Variants in EGF observed in about 807,000 individuals in gnomAD.
EGF encodes pro-epidermal growth factor.
Under a neutral mutation model 143.8 loss-of-function variants are expected in EGF, and 95 were observed. The ratio of observed to expected loss-of-function variants is 0.66; its 90% CI spans 0.56 to 0.78. The LOEUF (loss-of-function observed/expected upper bound fraction) is 0.78. EGF is among the 30% of genes least tolerant of loss of function. EGF has a pLI of 0.00. For missense variants in EGF, 1,320 were observed against 1,470.9 expected (o/e 0.90, Z 1.68); for synonymous variants, 510 against 510.5 (o/e 1.00, Z 0.01).
At chr4:109,918,297 C>T (rs1737066829) in intron 1 of EGF, among the ~76,000 whole-genome samples, 1 of 142,502 alleles carries the variant, frequency 7.0e-6, no homozygotes. Flanking sequence ...GTGGGTTATT[C>T]ATAGCGAATG....
intron 11 of EGF, 44 bp downstream of exon 11, chr4:109,969,163 A>G (rs774179826): frequency 1.2e-5 from 20 of 1,612,384 alleles, no homozygotes; most frequent in Admixed American, 1.7e-5. Context: ...GATGGGAGTG[A>G]TGGGATAGGT....
In EGF at chr4:109,962,022, G is replaced by A. The variant is rs767767155; in HGVS notation, c.1312+37G>A. 45 of 1,611,620 alleles carry A rather than the reference G, an allele frequency of 2.8e-5. No homozygotes were observed. The African/African-American group carries it at 5.3e-4, about 19-fold the overall frequency. ...TGCTTTATTTACCTTTTGTTTGTTT[G>A]AAAACATACATTTGCTCAGTGACAT... is the stretch of plus-strand genomic sequence containing the variant. On this transcript the variant is annotated intron_variant, in intron 8 of 23. Coordinates refer to ENST00000265171, the MANE Select transcript of EGF (RefSeq NM_001963.6).
chr4:109,923,310 T>A (rs558019062), intron 1 of EGF, among the ~76,000 whole-genome samples: 1 of 151,724 alleles, frequency 6.6e-6, no homozygotes, highest in Non-Finnish European at 1.5e-5. Context: ...TTCTTAATTT[T>A]ACCTCATTTT....
chr4:109,999,143 A>G (rs11569093), intron 20 of EGF, among the ~76,000 whole-genome samples: 5,000 of 152,194 alleles, frequency 0.033, 259 homozygotes, highest in East Asian at 0.17. Context: ...CTTCCCTTGC[A>G]CTAGTAGTGA....
At chr4:109,945,955 G>C in intron 5 of EGF, among the ~76,000 whole-genome samples, 1 of 152,242 alleles carries the variant, frequency 6.6e-6, no homozygotes. Flanking sequence ...TATGTCTTGC[G>C]TTTAGGCAAA....
intron 15 of EGF, among the ~76,000 whole-genome samples, chr4:109,982,913 C>T (rs1198067805): frequency 1.3e-5 from 2 of 152,072 alleles, no homozygotes; most frequent in Non-Finnish European, 2.9e-5. Flanking sequence ...CCATTTCTCC[C>T]CTGTTCTGAG....
intron 4 of EGF, 122 bp from the exon 5 acceptor site, chr4:109,944,951 T>G: frequency 9.8e-7 from 1 of 1,022,676 alleles, no homozygotes; most frequent in Non-Finnish European, 1.5e-6. Flanking sequence ...TAAACATAAA[T>G]GAGAAACAAT....
rs754959264 is a variant in EGF, at chr4:110,004,617, C to T, written c.3286C>T (p.Pro1096Ser). ...TEDGMSSCPQPWFVVIKEHQD... is the reference protein window; with the variant it reads ...TEDGMSSCPQSWFVVIKEHQD... ...GGATGGGATGTCCTCTTGCCCTCAA[C>T]CTTGGGTAATGTGACCAAAGCAGAT... Residue 1096 changes from proline to serine, a missense_variant, in exon 22 of 24, where the codon CCT (proline) becomes TCT (serine). Coordinates refer to ENST00000265171, the MANE Select transcript of EGF (RefSeq NM_001963.6). 25 of 1,613,770 alleles carry T rather than the reference C, an allele frequency of 1.5e-5. No individual in the cohort carries two copies. The highest frequency in any genetic ancestry group is 1.6e-5 in the Non-Finnish European group (19 of 1,179,736).
chr4:110,011,565 C>T lies in EGF; in HGVS notation c.*110C>T. 6.6e-7 allele frequency: 1 copy of T among 1,517,702 alleles called. No individual in the cohort carries two copies. Among genetic ancestry groups the T allele is most frequent in the South Asian group, 1.2e-5 (1 of 86,770 alleles). The allele number at this position is 1,517,702 out of a possible 1,614,324, so 94.0% of individuals were successfully genotyped here. A position where few individuals can be genotyped will look rare whatever the true frequency, so the allele number is the denominator to read the frequency against. ...GGTTTTGGTTCCACAATCTCTACGA[C>T]TAATCACCTACTCAATGCCTGGAGA... On this transcript the variant is annotated 3_prime_UTR_variant, in exon 24 of 24. Transcript: ENST00000265171.
intron 1 of EGF, among the ~76,000 whole-genome samples, chr4:109,933,576 C>T (rs1199064459): frequency 6.6e-6 from 1 of 152,126 alleles, no homozygotes; most frequent in Admixed American, 6.5e-5. Context: ...TCCACCAGCC[C>T]CCCACCTCCC....
chr4:109,930,090 G>A (rs976507050), intron 1 of EGF, among the ~76,000 whole-genome samples: 1 of 152,158 alleles, frequency 6.6e-6, no homozygotes, highest in South Asian at 2.1e-4. Flanking sequence ...GAAGGTGCTT[G>A]CTTCCACTTT....
In EGF at chr4:109,993,269, G is replaced by T. The variant is rs1188924135; in HGVS notation, c.2757G>T (p.Gly919=). Reference sequence around the variant, plus strand: ...CAGATATTGATGAGTGCCAACTGGGGGAGCACAGCTGTGGAGAGAATGCCA... The same window carrying T: ...CAGATATTGATGAGTGCCAACTGGGTGAGCACAGCTGTGGAGAGAATGCCA... The part of the protein sequence containing the change: ...HCLDIDECQL[G]EHSCGENASC... The change falls in exon 19 of 24, where the codon GGG becomes GGT. Residue 919 remains glycine (G), a synonymous_variant. Coordinates refer to ENST00000265171, the MANE Select transcript of EGF (RefSeq NM_001963.6). 1.9e-6 allele frequency: 3 copies of T among 1,613,824 alleles called. No individual in the cohort carries two copies. The highest frequency in any genetic ancestry group is 1.7e-6 in the Non-Finnish European group (2 of 1,179,918).
intron 5 of EGF, among the ~76,000 whole-genome samples, chr4:109,954,703 G>A (rs979831982): frequency 3.9e-5 from 6 of 152,092 alleles, no homozygotes; most frequent in Admixed American, 3.9e-4. Flanking sequence ...TATATTTTAT[G>A]TGCATGTTTA....
chr4:110,011,685 A>G lies in EGF; in HGVS notation c.*230A>G. The G allele has an allele frequency of 1.6e-6, 1 of 615,284 alleles. No individual in the cohort carries two copies. Among genetic ancestry groups the G allele is most frequent in the Non-Finnish European group, 2.8e-6 (1 of 362,598 alleles). The allele number at this position is 615,284 out of a possible 1,614,324, so 38.1% of individuals were successfully genotyped here. A position where few individuals can be genotyped will look rare whatever the true frequency, so the allele number is the denominator to read the frequency against. ...TACTGGGAGAATCACTAGGTAACTT[A>G]TTAGAAACCCAAATTGGGACAACAG... On this transcript the variant is annotated 3_prime_UTR_variant, in exon 24 of 24. Coordinates refer to ENST00000265171, the MANE Select transcript of EGF (RefSeq NM_001963.6).
At chr4:110,000,635 T>A (rs1034191041) in intron 21 of EGF, among the ~76,000 whole-genome samples, 2 of 152,224 alleles carry the variant, frequency 1.3e-5, no homozygotes, top group Non-Finnish European at 2.9e-5. Flanking sequence ...GACAATAACA[T>A]TTATACATTT....
chr4:109,986,625 G>A (rs538926301), intron 16 of EGF, among the ~76,000 whole-genome samples: 2 of 152,266 alleles, frequency 1.3e-5, no homozygotes, highest in African/African-American at 4.8e-5. Context: ...ACTAAGATGA[G>A]CAAGCTTACC....
intron 3 of EGF, 119 bp downstream of exon 3, chr4:109,943,554 G>A: frequency 9.0e-7 from 1 of 1,109,398 alleles, no homozygotes; most frequent in Non-Finnish European, 1.3e-6. Flanking sequence ...CTCTTTTGCA[G>A]CACACAGGCA....
intron 1 of EGF, among the ~76,000 whole-genome samples, chr4:109,938,222 T>C (rs146929358): frequency 0.015 from 2,218 of 152,322 alleles, 52 homozygotes; most frequent in African/African-American, 0.05. Context: ...CTTTTCACTC[T>C]TTTTTCTCTA....
chr4:109,932,379 A>T (rs1252092511), intron 1 of EGF, among the ~76,000 whole-genome samples: 11 of 113,492 alleles, frequency 9.7e-5, no homozygotes, highest in South Asian at 5.9e-4. Context: ...ATATATATAA[A>T]TTTTTTTTTT....
Sources: allele counts gnomAD v4.1 joint callset (sites outside exome capture counted in the v4.1 genomes callset), GRCh38; gene constraint gnomAD v4.1.1; transcripts MANE v1.5; gene names NCBI Gene and HGNC (gene_info 2026-07-23, HGNC 2026-07-21).